Variants in C4orf50 observed in about 807,000 individuals in gnomAD.
The protein encoded by C4orf50 is uncharacterized protein C4orf50.
Under a neutral mutation model 77.2 loss-of-function variants are expected in C4orf50, and 80 were observed. The observed-to-expected ratio is 1.04, with a 90% CI of 0.87 to 1.25. C4orf50 has a LOEUF of 1.25. Ranked by LOEUF, C4orf50 falls within the 50% of genes most tolerant of loss-of-function variation. The probability of loss-of-function intolerance (pLI) is 0.00; values close to 1 mark genes in which losing one functional copy is unlikely to be tolerated. For synonymous variants in C4orf50, 532 were observed against 465.3 expected, an observed-to-expected ratio of 1.14 and a Z score of -1.84; for missense variants, 1,257 against 1,152.9, an observed-to-expected ratio of 1.09 and a Z score of -1.31.
chr4:5,975,751 AG>A, intron 30 of C4orf50, 147 bp downstream of exon 8: 2 of 632,056 alleles, frequency 3.2e-6, no homozygotes, highest in Non-Finnish European at 2.9e-6. Context: ...AGCCTCCCAA[AG>A]TGCTGGGATT....
At chr4:5,955,442 G>A (rs1016489490), downstream of C4orf50, among the ~76,000 whole-genome samples, 3 of 152,140 alleles carry the variant, frequency 2.0e-5, no homozygotes, top group Non-Finnish European at 4.4e-5. The surrounding 1 kb of genome is among the most constrained non-coding windows in gnomAD (Gnocchi z 5.1). Context: ...TGCCACCGCC[G>A]GGCACTGGCC....
At chr4:5,922,230 C>T (rs750098893) in intron 7 of C4orf50, among the ~76,000 whole-genome samples, 3 of 152,330 alleles carry the variant, frequency 2.0e-5, no homozygotes, top group Non-Finnish European at 2.9e-5. Flanking sequence ...CTGCGATGCA[C>T]GTGACAGTGA....
In C4orf50 at chr4:5,970,148, GAAA is replaced by G. The variant is rs35111334; in HGVS notation, c.4105-2689_4105-2687del. ...CAGCGTAGGTCCAGGCAAAACACAG[GAAA>G]AAAAAAAAAAGGCCCACTGGGGCTA... is the stretch of plus-strand genomic sequence containing the variant. On this transcript the variant is annotated intron_variant, in intron 31 of 33. Coordinates refer to ENST00000531445, the Ensembl canonical transcript of C4orf50. This position sits in a 1 kb window ranked among gnomAD's most constrained non-coding sequence, Gnocchi z 4.3. Among the ~76,000 whole-genome samples, 1 of 143,938 alleles carries G rather than the reference GAAA, an allele frequency of 6.9e-6. No homozygotes were observed. The highest frequency in any genetic ancestry group is 2.6e-5 in the African/African-American group (1 of 38,816). The allele number at this position is 143,938 out of a possible 152,430, so 94.4% of individuals were successfully genotyped here.
chr4:5,951,641 CA>C (rs1317265119), intron 7 of C4orf50, among the ~76,000 whole-genome samples: 1 of 152,208 alleles, frequency 6.6e-6, no homozygotes, highest in African/African-American at 2.4e-5. Flanking sequence ...TGGTCTAAGA[CA>C]GACGGCATGA....
At chr4:5,914,038 T>A (rs1408699408) in intron 7 of C4orf50, among the ~76,000 whole-genome samples, 2 of 152,002 alleles carry the variant, frequency 1.3e-5, no homozygotes, top group African/African-American at 4.8e-5. Context: ...AGAAGTAAAG[T>A]TTATGAAGAC....
chr4:5,959,829 G>A (rs759689999), intron 33 of C4orf50, among the ~76,000 whole-genome samples: 38 of 152,318 alleles, frequency 2.5e-4, no homozygotes, highest in South Asian at 1.0e-3. Context: ...TCATCACTGC[G>A]TTCTGGGTCA....
Position 5,988,978 on chromosome 4 carries a change from G to GT in C4orf50, c.3067dup (p.Thr1023AsnfsTer15). ...GAGTTGGCCCAGATTCCCTTTCAGT[G>GT]TTTCATTTTCCTCTTCAAGCTCCAA... is the stretch of plus-strand genomic sequence containing the variant. On this transcript the variant is annotated frameshift_variant, in exon 28 of 34. Transcript: ENST00000531445. LOFTEE classifies it high-confidence loss of function. The GT allele has an allele frequency of 6.5e-7, 1 of 1,536,026 alleles. No individual in the cohort carries two copies. Among genetic ancestry groups the GT allele is most frequent in the Non-Finnish European group, 8.7e-7 (1 of 1,146,892 alleles).
chr4:5,920,758 G>A (rs534773806), intron 7 of C4orf50, among the ~76,000 whole-genome samples: 4 of 152,216 alleles, frequency 2.6e-5, no homozygotes, highest in Non-Finnish European at 5.9e-5. Context: ...TTACAGGCGT[G>A]AGCCACAGCA....
exon 28 of C4orf50, chr4:5,989,680 G>T: frequency 6.5e-7 from 1 of 1,536,130 alleles, no homozygotes; most frequent in Non-Finnish European, 8.7e-7. Flanking sequence ...CACAGCCTGT[G>T]GATGACCATG....
chr4:5,972,747 A>T (rs933609021), intron 31 of C4orf50, among the ~76,000 whole-genome samples: 3 of 152,234 alleles, frequency 2.0e-5, no homozygotes, highest in Non-Finnish European at 4.4e-5. Context: ...GGCTGTGTTT[A>T]CCGTGGGAGC....
chr4:6,010,808 C>T (rs1286475333), intron 24 of C4orf50, among the ~76,000 whole-genome samples: 1 of 152,226 alleles, frequency 6.6e-6, no homozygotes, highest in Admixed American at 6.5e-5. Flanking sequence ...GCCCCATCGT[C>T]CTTCCCCTGG....
chr4:5,993,387 A>G (rs6446430), intron 26 of C4orf50, among the ~76,000 whole-genome samples: 13,449 of 152,262 alleles, frequency 0.088, 781 homozygotes, highest in Non-Finnish European at 0.12. Flanking sequence ...TGCTACACAT[A>G]TGGAGGATAA....
rs553296655 is a variant in C4orf50, at chr4:5,992,436, G to A, written c.1221+367C>T. Among the ~76,000 whole-genome samples, 17 of 152,144 alleles carry A rather than the reference G, an allele frequency of 1.1e-4. No homozygotes were observed. In the East Asian group the frequency reaches 2.3e-3, roughly 21 times the overall value. On this transcript the variant is annotated intron_variant, in intron 27 of 33. Coordinates refer to ENST00000531445, the Ensembl canonical transcript of C4orf50. The surrounding 1 kb of genome is among the most constrained non-coding windows in gnomAD (Gnocchi z 5.0). ...GTGTGGGCCGTCGAGCCTGGATCTC[G>A]GGGTCCACCTCCAAGCTGGGGACCT... is the stretch of plus-strand genomic sequence containing the variant.
At position 5,905,240 on chromosome 4, in the gene C4orf50, A is replaced by C. The variant is rs975565819; in HGVS notation, c.*2475-7052T>G. 6.6e-6 allele frequency: 1 copy of C among 152,216 alleles called. No homozygotes were observed. The allele number at this position is 152,216 out of a possible 1,614,324, so 9.4% of individuals were successfully genotyped here. ...CATTAAATATGGGCTTCTTACAGTC[A>C]ACAGCCATCTCTTGGGTCCCCAGGT... On this transcript the variant is annotated intron_variant, in intron 7 of 7. Coordinates refer to the C4orf50 transcript ENST00000324058. This position sits in a 1 kb window ranked among gnomAD's most constrained non-coding sequence, Gnocchi z 5.4.
chr4:5,987,947 A>G (rs1480061214), intron 28 of C4orf50, among the ~76,000 whole-genome samples: 2 of 152,188 alleles, frequency 1.3e-5, no homozygotes, highest in Non-Finnish European at 2.9e-5. Flanking sequence ...TGTTCTTTTC[A>G]TTGCAACTTT....
Position 6,015,021 on chromosome 4 carries a change from T to C in C4orf50, c.288-3053A>G, listed in dbSNP as rs1722632653. On this transcript the variant is annotated intron_variant, in intron 23 of 33. Coordinates refer to ENST00000531445, the Ensembl canonical transcript of C4orf50. This position sits in a 1 kb window ranked among gnomAD's most constrained non-coding sequence, Gnocchi z 4.4. Reference sequence around the variant, plus strand: ...CCTGTCTTCCTGGGGTCCATTGATCTTCTGGTTTCCACCACCAACCTTTCT... The same window carrying C: ...CCTGTCTTCCTGGGGTCCATTGATCCTCTGGTTTCCACCACCAACCTTTCT... Among the ~76,000 whole-genome samples, 1 of 152,194 alleles carries C rather than the reference T, an allele frequency of 6.6e-6. No individual in the cohort carries two copies. The highest frequency in any genetic ancestry group is 2.4e-5 in the African/African-American group (1 of 41,452).
At chr4:5,952,176 G>A (rs1421303593), downstream of C4orf50, among the ~76,000 whole-genome samples, 1 of 152,212 alleles carries the variant, frequency 6.6e-6, no homozygotes, top group African/African-American at 2.4e-5. This position sits in a 1 kb window ranked among gnomAD's most constrained non-coding sequence, Gnocchi z 4.4. Flanking sequence ...GGAGTCGTAA[G>A]AGGCAGCTGG....
rs571632754 is a variant in C4orf50 at position 5,965,263 on chromosome 4, T to C, written c.4154-118A>G. 46 of 1,096,746 alleles carry C rather than the reference T, an allele frequency of 4.2e-5. No individual in the cohort carries two copies. The East Asian group carries it at 1.1e-3, about 25-fold the overall frequency. 67.9% of individuals were successfully genotyped at this position (1,096,746 alleles called of 1,614,324 possible). A position where few individuals can be genotyped will look rare whatever the true frequency, so the allele number is the denominator to read the frequency against. Reference sequence around the variant, plus strand: ...CTAGCCATTCCCAGATCATTCCCAGTTTCCATGCCCCGGGGCAGAGGTCCT... The same window carrying C: ...CTAGCCATTCCCAGATCATTCCCAGCTTCCATGCCCCGGGGCAGAGGTCCT... On this transcript the variant is annotated intron_variant, in intron 32 of 33. Coordinates refer to ENST00000531445, the Ensembl canonical transcript of C4orf50.
At chr4:5,967,700 T>C (rs1481967037) in intron 31 of C4orf50, among the ~76,000 whole-genome samples, 1 of 152,226 alleles carries the variant, frequency 6.6e-6, no homozygotes, top group Non-Finnish European at 1.5e-5. Flanking sequence ...AACGATTCCA[T>C]TTCCTTTTCT....
Sources: gnomAD v4.1 joint callset for allele counts (sites outside exome capture counted in the v4.1 genomes callset) on GRCh38, gnomAD v4.1.1 for gene constraint, Gnocchi (gnomAD v3.1) non-coding constraint, MANE v1.5 for transcripts, NCBI Gene and HGNC (gene_info 2026-07-23, HGNC 2026-07-21) for gene names.